Variants in SRFBP1 observed in about 807,000 individuals in gnomAD.
SRFBP1 encodes the protein serum response factor-binding protein 1.
SRFBP1 carries 47 observed loss-of-function variants against 45.5 expected under a neutral mutation model. The ratio of observed to expected loss-of-function variants is 1.03; its 90% CI spans 0.82 to 1.32. The LOEUF (loss-of-function observed/expected upper bound fraction) is 1.32, where lower values mean the gene tolerates loss of function less well. Ranked by LOEUF, SRFBP1 falls within the 40% of genes most tolerant of loss-of-function variation. The probability of loss-of-function intolerance (pLI) is 0.00; values close to 1 mark genes in which losing one functional copy is unlikely to be tolerated. For synonymous variants in SRFBP1, 203 were observed against 166.3 expected (o/e 1.22, Z -1.70); for missense variants, 621 against 484.6 (o/e 1.28, Z -2.64).
Position 122,027,647 on chromosome 5 carries a change from C to T in SRFBP1, c.*521C>T, listed in dbSNP as rs1753512377. 1 of 151,950 alleles carries T rather than the reference C, an allele frequency of 6.6e-6. No homozygotes were observed. The highest frequency in any genetic ancestry group is 6.6e-5 in the Admixed American group (1 of 15,252). The allele number at this position is 151,950 out of a possible 1,614,324, so 9.4% of individuals were successfully genotyped here. On this transcript the variant is annotated 3_prime_UTR_variant, in exon 8 of 8. Coordinates refer to ENST00000339397, the MANE Select transcript of SRFBP1 (RefSeq NM_152546.3). ...TATATATTTAAAATAATAATGGAAA[C>T]ATAGGAAATCAGCTATTTAAACCAG...
intron 2 of SRFBP1, among the ~76,000 whole-genome samples, chr5:122,037,330 C>G (rs910187488): frequency 3.9e-5 from 6 of 152,178 alleles, no homozygotes; most frequent in Admixed American, 2.6e-4. Context: ...TTATTTGTCT[C>G]TAATCCAGGA....
At chr5:122,050,980 C>T (rs78221936) in intron 2 of SRFBP1, among the ~76,000 whole-genome samples, 1 of 152,118 alleles carries the variant, frequency 6.6e-6, no homozygotes, top group Non-Finnish European at 1.5e-5. Flanking sequence ...CTAAGAATTT[C>T]TTGGTTGCTG....
chr5:122,033,043 A>G (rs377728340), downstream of SRFBP1, among the ~76,000 whole-genome samples: 21 of 151,808 alleles, frequency 1.4e-4, no homozygotes, highest in Admixed American at 3.3e-4. Flanking sequence ...TATTACCTCT[A>G]TGTAATTTGG....
At position 121,984,703 on chromosome 5, in the gene SRFBP1, A is replaced by C. The variant is rs531476391; in HGVS notation, c.198+9316A>C. ...TAGTCTTTTAATGCATATAAATGGC[A>C]TGAATGAATGTTATTTAAGATGACC... is the stretch of plus-strand genomic sequence containing the variant. On this transcript the variant is annotated intron_variant, in intron 3 of 7. Coordinates refer to ENST00000339397, the MANE Select transcript of SRFBP1 (RefSeq NM_152546.3). Among the ~76,000 whole-genome samples the C allele has an allele frequency of 1.9e-3, 285 of 151,972 alleles. 11 individuals are homozygous for C. The highest frequency in any genetic ancestry group is 0.019 in the Admixed American group (285 of 15,224).
chr5:122,029,569 G>A (rs541698652), downstream of SRFBP1, among the ~76,000 whole-genome samples: 65 of 152,086 alleles, frequency 4.3e-4, 2 homozygotes, highest in South Asian at 0.013. Flanking sequence ...TTCTAATCAC[G>A]TTGACTTTTC....
rs532324348 is a variant in SRFBP1, at chr5:121,986,375, G to A, written c.199-8224G>A. The stretch of plus-strand genomic sequence containing the variant: ...ATTGGGACAAAAGCCAATGAAGTGA[G>A]TTGGAGAGAAAAATAAAGAGCATTT... On this transcript the variant is annotated intron_variant, in intron 3 of 7. Coordinates refer to ENST00000339397, the MANE Select transcript of SRFBP1 (RefSeq NM_152546.3). Among the ~76,000 whole-genome samples, 13 of 152,144 alleles carry A rather than the reference G, an allele frequency of 8.5e-5. No individual in the cohort carries two copies. The East Asian group carries it at 2.5e-3, about 29-fold the overall frequency.
chr5:122,049,853 A>C (rs890225435), intron 2 of SRFBP1, among the ~76,000 whole-genome samples: 1 of 152,232 alleles, frequency 6.6e-6, no homozygotes, highest in Non-Finnish European at 1.5e-5. Flanking sequence ...ACATACCAGA[A>C]TCTCTGGGAC....
chr5:122,004,745 G>A (rs1188863771), intron 4 of SRFBP1, among the ~76,000 whole-genome samples: 2 of 151,980 alleles, frequency 1.3e-5, no homozygotes. Flanking sequence ...GTAACTTGAA[G>A]TTATTTATTT....
intron 2 of SRFBP1, among the ~76,000 whole-genome samples, chr5:122,056,670 A>G (rs1754086141): frequency 6.6e-6 from 1 of 152,172 alleles, no homozygotes. Context: ...TTGTTTAAAA[A>G]GTAAGAAGAC....
chr5:122,075,459 A>T lies in SRFBP1; in HGVS notation n.456A>T, dbSNP rs1477309077. On this transcript the variant is annotated non_coding_transcript_exon_variant, in exon 3 of 3. Transcript: ENST00000504881. ...CTTGGTCGGCTGGGTAAGAAATCTG[A>T]TGTCCCTTGGTTTTTCACTCTTTGG... 9 of 1,613,638 alleles carry T rather than the reference A, an allele frequency of 5.6e-6. No individual in the cohort carries two copies. The highest frequency in any genetic ancestry group is 7.6e-6 in the Non-Finnish European group (9 of 1,179,806).
intron 4 of SRFBP1, among the ~76,000 whole-genome samples, chr5:122,010,232 C>CT (rs1189526506): frequency 6.6e-6 from 1 of 152,050 alleles, no homozygotes; most frequent in African/African-American, 2.4e-5. Context: ...CTCTGCTTGC[C>CT]TAGAATTCAT....
intron 4 of SRFBP1, among the ~76,000 whole-genome samples, chr5:122,000,276 A>G (rs920932330): frequency 6.6e-6 from 1 of 152,094 alleles, no homozygotes; most frequent in Non-Finnish European, 1.5e-5. Context: ...TGCTATAAGT[A>G]TATAATAGAT....
At chr5:121,972,944 A>G (rs1752229358) in intron 1 of SRFBP1, among the ~76,000 whole-genome samples, 2 of 151,930 alleles carry the variant, frequency 1.3e-5, no homozygotes, top group African/African-American at 4.8e-5. Context: ...ACACAGAATG[A>G]TGGCAGAACT....
intron 2 of SRFBP1, among the ~76,000 whole-genome samples, chr5:122,051,166 T>A (rs1461390568): frequency 1.3e-5 from 2 of 152,026 alleles, no homozygotes; most frequent in Non-Finnish European, 1.5e-5. Context: ...TTGTGTTTTA[T>A]GTTTGATTGT....
downstream of SRFBP1, chr5:122,077,369 C>A: frequency 6.2e-7 from 1 of 1,613,860 alleles, no homozygotes; most frequent in Non-Finnish European, 8.5e-7. This position sits in a 1 kb window ranked among gnomAD's most constrained non-coding sequence, Gnocchi z 4.9. Context: ...CTGGAAGTAG[C>A]CAGTGCCGTA....
At chr5:121,984,931 A>C (rs1178136495) in intron 3 of SRFBP1, among the ~76,000 whole-genome samples, 1 of 151,818 alleles carries the variant, frequency 6.6e-6, no homozygotes, top group South Asian at 2.1e-4. Flanking sequence ...GTTTTACCTG[A>C]TATTTTTTAG....
chr5:122,030,330 T>C (rs761762827), downstream of SRFBP1, among the ~76,000 whole-genome samples: 1 of 152,230 alleles, frequency 6.6e-6, no homozygotes, highest in Non-Finnish European at 1.5e-5. Flanking sequence ...CTTGCCTTAT[T>C]CTAATCTGCT....
chr5:122,055,312 G>A (rs1225717937), intron 2 of SRFBP1, among the ~76,000 whole-genome samples: 6 of 152,178 alleles, frequency 3.9e-5, no homozygotes, highest in East Asian at 1.9e-4. Flanking sequence ...ACCTCCCAAC[G>A]ATCTCTTAAT....
chr5:122,077,770 C>T (rs753662323), downstream of SRFBP1: 88 of 1,548,584 alleles, frequency 5.7e-5, 4 homozygotes, highest in Middle Eastern at 1.2e-3. The surrounding 1 kb of genome is among the most constrained non-coding windows in gnomAD (Gnocchi z 4.9). Flanking sequence ...CGGCGGCGCC[C>T]GGGTCCCGGC....
Sources: gnomAD v4.1 joint callset for allele counts (sites outside exome capture counted in the v4.1 genomes callset) on GRCh38, gnomAD v4.1.1 for gene constraint, Gnocchi (gnomAD v3.1) non-coding constraint, MANE v1.5 for transcripts, NCBI Gene and HGNC (gene_info 2026-07-23, HGNC 2026-07-21) for gene names.